The following ANO6 variants were observed in gnomAD, a reference collection of about 807,000 sequenced individuals.
The protein encoded by ANO6 is anoctamin-6.
Under a neutral mutation model 117.5 loss-of-function variants are expected in ANO6, and 106 were observed. The observed-to-expected ratio is 0.90, with a 90% CI of 0.77 to 1.06. ANO6 has a LOEUF of 1.06. Among genes scored for constraint, ANO6 ranks in the 50% least tolerant of loss-of-function variants. The probability of loss-of-function intolerance (pLI) is 0.00; values close to 1 mark genes in which losing one functional copy is unlikely to be tolerated. For missense variants in ANO6, 955 were observed against 1,121.1 expected, an observed-to-expected ratio of 0.85 and a Z score of 2.12; for synonymous variants, 367 against 385.1, an observed-to-expected ratio of 0.95 and a Z score of 0.55.
At chr12:45,297,590 A>AAT (rs1939336959) in intron 1 of ANO6, among the ~76,000 whole-genome samples, 1 of 152,200 alleles carries the variant, frequency 6.6e-6, no homozygotes, top group Non-Finnish European at 1.5e-5. Flanking sequence ...GTGTTGCATT[A>AAT]TTAATATGAC....
chr12:45,347,366 T>C (rs917902014), intron 4 of ANO6: 4 of 411,784 alleles, frequency 9.7e-6, no homozygotes, highest in African/African-American at 6.1e-5. Flanking sequence ...TTTTTTGTTA[T>C]ACAAAAAATA....
intron 19 of ANO6, among the ~76,000 whole-genome samples, chr12:45,424,116 A>G (rs1943434444): frequency 6.6e-6 from 1 of 151,974 alleles, no homozygotes; most frequent in African/African-American, 2.4e-5. Context: ...CTGACATATC[A>G]GCAAGAGTCA....
At chr12:45,274,155 C>G (rs567072522) in intron 1 of ANO6, among the ~76,000 whole-genome samples, 3 of 152,306 alleles carry the variant, frequency 2.0e-5, no homozygotes, top group East Asian at 3.9e-4. Context: ...ACCCTCTTCC[C>G]CATCTCCACT....
At chr12:45,228,628 T>C (rs1031410446) in intron 1 of ANO6, among the ~76,000 whole-genome samples, 1 of 152,092 alleles carries the variant, frequency 6.6e-6, no homozygotes, top group African/African-American at 2.4e-5. Context: ...ATGATTCTGT[T>C]CTTAGGACTG....
chr12:45,354,502 A>G (rs1941361955), intron 7 of ANO6, among the ~76,000 whole-genome samples: 1 of 152,066 alleles, frequency 6.6e-6, no homozygotes. Context: ...CACAAGAGAG[A>G]GGGACAGAGA....
At position 45,423,037 on chromosome 12, in the gene ANO6, A is replaced by G; in HGVS notation, c.2501A>G (p.Lys834Arg). The G allele has an allele frequency of 6.2e-7, 1 of 1,613,912 alleles. No individual in the cohort carries two copies. The highest frequency in any genetic ancestry group is 8.5e-7 in the Non-Finnish European group (1 of 1,179,756). Residue 834 changes from lysine to arginine, a missense_variant, in exon 19 of 20, where the codon AAG (lysine) becomes AGG (arginine). Lys to Arg is a conservative substitution (Grantham distance 26). Coordinates refer to ENST00000320560, the MANE Select transcript of ANO6 (RefSeq NM_001025356.3). ...NIYYWHVIAAKLAFIIVMEHV... is the reference protein window; with the variant it reads ...NIYYWHVIAARLAFIIVMEHV... ...TACTATTGGCATGTGATTGCAGCCA[A>G]GCTGGCTTTTATCATTGTCATGGAG...
At chr12:45,282,721 CTT>C (rs1331669503) in intron 1 of ANO6, among the ~76,000 whole-genome samples, 1 of 152,070 alleles carries the variant, frequency 6.6e-6, no homozygotes. Context: ...GTTGTTTTAA[CTT>C]TTTTGATAAC....
intron 1 of ANO6, among the ~76,000 whole-genome samples, chr12:45,265,510 G>A (rs950764473): frequency 6.6e-6 from 1 of 152,114 alleles, no homozygotes; most frequent in African/African-American, 2.4e-5. Flanking sequence ...GTCAGACCTC[G>A]TGTTATGTAC....
chr12:45,256,407 A>G (rs977271388), intron 1 of ANO6: 1 of 152,180 alleles, frequency 6.6e-6, no homozygotes, highest in Non-Finnish European at 1.5e-5. Context: ...TACCTTGGAA[A>G]GGTTAGTGTT....
At chr12:45,255,476 C>T (rs565903075) in intron 1 of ANO6, among the ~76,000 whole-genome samples, 59 of 152,106 alleles carry the variant, frequency 3.9e-4, no homozygotes, top group African/African-American at 1.3e-3. Flanking sequence ...TCCAGCCTAG[C>T]GACAGGGACT....
chr12:45,317,810 C>G (rs1228194782), intron 2 of ANO6, among the ~76,000 whole-genome samples: 2 of 152,320 alleles, frequency 1.3e-5, no homozygotes, highest in Admixed American at 1.3e-4. Context: ...TAATGATCGC[C>G]ATTCTAACTG....
rs1376355927 is a variant in ANO6, at chr12:45,302,088, G to A, written c.145G>A (p.Glu49Lys). 5.0e-6 allele frequency: 8 copies of A among 1,613,526 alleles called. No homozygotes were observed. The highest frequency in any genetic ancestry group is 1.1e-5 in the South Asian group (1 of 91,066). ...LESQHDFRTP[E>K]FEEFNGKPDS... is the part of the protein sequence containing the mutation. ...AAGTCAGCATGATTTTCGAACCCCGGAGTTTGTGAGTACTATTCCTTTATC... is the reference window on the plus strand; with the variant it reads ...AAGTCAGCATGATTTTCGAACCCCGAAGTTTGTGAGTACTATTCCTTTATC... Residue 49 changes from glutamate to lysine, a missense_variant, in exon 2 of 20, where the codon GAG becomes AAG. By Grantham distance (56) the Glu-to-Lys change is moderately conservative. Coordinates refer to ENST00000320560, the MANE Select transcript of ANO6 (RefSeq NM_001025356.3).
chr12:45,416,685 C>T lies in ANO6; in HGVS notation c.2012-14C>T. 6.2e-7 allele frequency: 1 copy of T among 1,609,920 alleles called. No individual in the cohort carries two copies. Among genetic ancestry groups the T allele is most frequent in the Non-Finnish European group, 8.5e-7 (1 of 1,176,280 alleles). ...CCACCACCACTCCATGATGTGTGTC[C>T]ATTCCATTGACAGTTATTCAGTTTG... On this transcript the variant is annotated splice_polypyrimidine_tract_variant and intron_variant, in intron 16 of 19. Coordinates refer to ENST00000320560, the MANE Select transcript of ANO6 (RefSeq NM_001025356.3).
intron 2 of ANO6, among the ~76,000 whole-genome samples, chr12:45,330,419 A>G (rs1416276569): frequency 5.9e-5 from 9 of 152,242 alleles, no homozygotes. Context: ...TTTTTAATGA[A>G]TCATAGAAAA....
At chr12:45,238,696 T>C (rs1947687764) in intron 1 of ANO6, among the ~76,000 whole-genome samples, 1 of 152,190 alleles carries the variant, frequency 6.6e-6, no homozygotes, top group Non-Finnish European at 1.5e-5. Context: ...ATAGCTCTTA[T>C]TATTTTGAGA....
At chr12:45,320,292 G>A (rs1271849718) in intron 2 of ANO6, among the ~76,000 whole-genome samples, 1 of 152,054 alleles carries the variant, frequency 6.6e-6, no homozygotes, top group Non-Finnish European at 1.5e-5. Flanking sequence ...TGCTTTAAAT[G>A]TGTCCCAGAG....
At chr12:45,237,693 T>A (rs1184694171) in intron 1 of ANO6, among the ~76,000 whole-genome samples, 2 of 152,220 alleles carry the variant, frequency 1.3e-5, no homozygotes, top group Non-Finnish European at 2.9e-5. Context: ...CTTAGGATTG[T>A]CTTGGCAATG....
chr12:45,350,282 C>T (rs74080816), intron 6 of ANO6, among the ~76,000 whole-genome samples: 4,924 of 152,114 alleles, frequency 0.032, 236 homozygotes, highest in African/African-American at 0.11. Flanking sequence ...CCCCATTGTC[C>T]AAGGAGAGGG....
At chr12:45,345,339 G>C (rs1941100476) in intron 3 of ANO6, among the ~76,000 whole-genome samples, 1 of 152,052 alleles carries the variant, frequency 6.6e-6, no homozygotes, top group Non-Finnish European at 1.5e-5. Context: ...CCTACTTCTA[G>C]TTTATGGGAT....
Sources: gnomAD v4.1 joint callset for allele counts (sites outside exome capture counted in the v4.1 genomes callset) on GRCh38, gnomAD v4.1.1 for gene constraint, MANE v1.5 for transcripts, NCBI Gene and HGNC (gene_info 2026-07-23, HGNC 2026-07-21) for gene names.